CMSS1: variants seen among roughly 807,000 people sequenced by gnomAD.
CMSS1 encodes the protein cms1 ribosomal small subunit homolog, also known as protein CMSS1.
A neutral mutation model predicts 43.5 loss-of-function variants in CMSS1; 33 were observed. The ratio of observed to expected loss-of-function variants is 0.76; its 90% CI spans 0.57 to 1.01. The LOEUF (loss-of-function observed/expected upper bound fraction) is 1.01, where lower values mean the gene tolerates loss of function less well. Among genes scored for constraint, CMSS1 ranks in the 50% least tolerant of loss-of-function variants. The pLI is 0.00. For missense variants in CMSS1, 313 were observed against 326.4 expected (o/e 0.96, Z 0.32); for synonymous variants, 115 against 117.2 (o/e 0.98, Z 0.12).
intron 1 of CMSS1, among the ~76,000 whole-genome samples, chr3:100,036,071 A>G (rs914202204): frequency 1.3e-5 from 2 of 152,214 alleles, no homozygotes; most frequent in African/African-American, 2.4e-5. Flanking sequence ...CCCCTGTACC[A>G]TCTCTATACA....
At chr3:100,111,392 A>C (rs148512103) in intron 1 of CMSS1, among the ~76,000 whole-genome samples, 138 of 152,340 alleles carry the variant, frequency 9.1e-4, no homozygotes, top group African/African-American at 3.0e-3. Flanking sequence ...TAGCTGGGCT[A>C]GTCCCTTAAA....
intron 1 of CMSS1, among the ~76,000 whole-genome samples, chr3:99,976,868 T>C (rs1337733229): frequency 6.6e-6 from 1 of 152,166 alleles, no homozygotes; most frequent in Non-Finnish European, 1.5e-5. Flanking sequence ...AGTTATTTTC[T>C]CTGGCTTCCT....
chr3:99,822,443 G>A (rs748472440), intron 1 of CMSS1, among the ~76,000 whole-genome samples: 60 of 152,180 alleles, frequency 3.9e-4, no homozygotes, highest in Non-Finnish European at 8.1e-4. Flanking sequence ...AATAATACCA[G>A]CTTGCGGCCA....
intron 1 of CMSS1, among the ~76,000 whole-genome samples, chr3:99,990,662 C>G (rs1709484980): frequency 6.6e-6 from 1 of 151,756 alleles, no homozygotes; most frequent in South Asian, 2.1e-4. Context: ...GCATCAGTAT[C>G]ATTCCAAAGC....
intron 1 of CMSS1, among the ~76,000 whole-genome samples, chr3:100,112,500 A>T (rs2066508390): frequency 6.6e-6 from 1 of 152,210 alleles, no homozygotes; most frequent in Non-Finnish European, 1.5e-5. Flanking sequence ...GACTAAATTT[A>T]TTACTTAAAT....
chr3:100,124,924 C>T (rs2066651728), intron 1 of CMSS1, among the ~76,000 whole-genome samples: 1 of 152,008 alleles, frequency 6.6e-6, no homozygotes, highest in African/African-American at 2.4e-5. Context: ...GTACCTCATC[C>T]CCACCAGCCA....
intron 1 of CMSS1, among the ~76,000 whole-genome samples, chr3:100,123,427 G>A (rs2066637559): frequency 6.6e-6 from 1 of 152,218 alleles, no homozygotes; most frequent in African/African-American, 2.4e-5. Context: ...CCTGGGGGTG[G>A]TGCTAGGGAG....
At chr3:99,883,762 T>C (rs928430663) in intron 1 of CMSS1, among the ~76,000 whole-genome samples, 10 of 152,212 alleles carry the variant, frequency 6.6e-5, no homozygotes, top group Non-Finnish European at 1.2e-4. Context: ...TAATGTTTAA[T>C]TGATGTCAGA....
chr3:100,120,890 C>T (rs990007704), intron 1 of CMSS1, among the ~76,000 whole-genome samples: 10 of 152,114 alleles, frequency 6.6e-5, no homozygotes, highest in Admixed American at 2.6e-4. Flanking sequence ...AACCCAGGCA[C>T]CCTGGCAGGA....
intron 1 of CMSS1, among the ~76,000 whole-genome samples, chr3:100,057,551 T>C (rs150636580): frequency 1.3e-5 from 2 of 152,350 alleles, no homozygotes; most frequent in East Asian, 1.9e-4. Context: ...TCTCGTGATA[T>C]GTCTCTGTAA....
chr3:100,129,490 A>G (rs1431009578), intron 1 of CMSS1, among the ~76,000 whole-genome samples: 1 of 152,224 alleles, frequency 6.6e-6, no homozygotes, highest in Non-Finnish European at 1.5e-5. Context: ...ACTTAAGAGG[A>G]TATGTTAAGT....
At chr3:100,020,902 G>A (rs2064803081) in intron 1 of CMSS1, among the ~76,000 whole-genome samples, 1 of 151,642 alleles carries the variant, frequency 6.6e-6, no homozygotes, top group African/African-American at 2.4e-5. Context: ...CAAGTAGCTG[G>A]GACTACAGGC....
chr3:100,109,771 A>G lies in CMSS1; in HGVS notation c.65-37202A>G, dbSNP rs2066456763. On this transcript the variant is annotated intron_variant, in intron 1 of 9. Transcript: ENST00000421999. ...AATTATGAATGAAGCCACTGTAAAT[A>G]TTGTTACCTAACATTCTAAGGTTAA... Among the ~76,000 whole-genome samples the G allele has an allele frequency of 2.0e-5, 3 of 152,246 alleles. No individual in the cohort carries two copies. The South Asian group carries it at 6.2e-4, about 31-fold the overall frequency.
At chr3:99,919,604 A>C (rs763745816) in intron 1 of CMSS1, among the ~76,000 whole-genome samples, 4 of 151,882 alleles carry the variant, frequency 2.6e-5, no homozygotes, top group Non-Finnish European at 5.9e-5. Flanking sequence ...CTAGAAAGAA[A>C]ATTTGATGTT....
At chr3:100,099,218 C>T (rs559262486) in intron 1 of CMSS1, among the ~76,000 whole-genome samples, 1 of 152,244 alleles carries the variant, frequency 6.6e-6, no homozygotes, top group East Asian at 1.9e-4. Context: ...AGGTAATAGA[C>T]TGAATATTTA....
At chr3:99,867,191 C>T (rs1421198885) in intron 1 of CMSS1, among the ~76,000 whole-genome samples, 2 of 152,156 alleles carry the variant, frequency 1.3e-5, no homozygotes, top group Non-Finnish European at 2.9e-5. Context: ...GACTGTACCC[C>T]ACTTCTCTTG....
At chr3:99,987,545 AAG>A (rs1491418533) in intron 1 of CMSS1, among the ~76,000 whole-genome samples, 2 of 150,484 alleles carry the variant, frequency 1.3e-5, no homozygotes, top group African/African-American at 5.0e-5. Context: ...AAAAAAAAAA[AAG>A]AAAGAAAGAA....
intron 2 of CMSS1, among the ~76,000 whole-genome samples, chr3:100,158,811 TA>T (rs1225682030): frequency 6.6e-6 from 1 of 152,254 alleles, no homozygotes; most frequent in Non-Finnish European, 1.5e-5. Context: ...AGATTTAATT[TA>T]TGTCATGTTT....
At chr3:99,945,230 G>A (rs1707973308) in intron 1 of CMSS1, among the ~76,000 whole-genome samples, 1 of 152,088 alleles carries the variant, frequency 6.6e-6, no homozygotes, top group Non-Finnish European at 1.5e-5. Flanking sequence ...CTCTAAGAAG[G>A]GCCATCTCCA....
Sources: allele counts gnomAD v4.1 joint callset (sites outside exome capture counted in the v4.1 genomes callset), GRCh38; gene constraint gnomAD v4.1.1; transcripts MANE v1.5; gene names NCBI Gene and HGNC (gene_info 2026-07-23, HGNC 2026-07-21).